SLC25A21: variants seen among roughly 807,000 people sequenced by gnomAD.
The protein encoded by SLC25A21 is solute carrier family 25 member 21, also known as mitochondrial 2-oxodicarboxylate carrier.
In SLC25A21, 47 loss-of-function variants were observed where a neutral mutation model predicts 43.8. The ratio of observed to expected loss-of-function variants is 1.07; its 90% CI spans 0.85 to 1.37. The LOEUF (loss-of-function observed/expected upper bound fraction) is 1.37, where lower values mean the gene tolerates loss of function less well. Ranked by LOEUF, SLC25A21 falls within the 40% of genes most tolerant of loss-of-function variation. The pLI, the probability that SLC25A21 is intolerant of heterozygous loss-of-function variation, is 0.00. For missense variants in SLC25A21, 352 were observed against 350.2 expected (o/e 1.00, Z -0.04); for synonymous variants, 131 against 121.3 (o/e 1.08, Z -0.52).
intron 1 of SLC25A21, among the ~76,000 whole-genome samples, chr14:37,067,136 G>A (rs1962077352): frequency 6.6e-6 from 1 of 152,094 alleles, no homozygotes; most frequent in Admixed American, 6.5e-5. Context: ...TGGGGAAGCA[G>A]GAGGGGCAAA....
intron 1 of SLC25A21, among the ~76,000 whole-genome samples, chr14:36,885,964 C>T (rs1169058384): frequency 6.6e-6 from 1 of 152,162 alleles, no homozygotes; most frequent in Non-Finnish European, 1.5e-5. Context: ...TAACCATTTA[C>T]TTAACTGATT....
intron 1 of SLC25A21, among the ~76,000 whole-genome samples, chr14:37,068,292 G>A (rs1962100593): frequency 6.6e-6 from 1 of 152,184 alleles, no homozygotes; most frequent in Non-Finnish European, 1.5e-5. Flanking sequence ...TTGTGACAGT[G>A]ATTAAAGTGC....
At chr14:37,160,749 G>C (rs1355805467) in intron 1 of SLC25A21, among the ~76,000 whole-genome samples, 1 of 151,908 alleles carries the variant, frequency 6.6e-6, no homozygotes, top group East Asian at 1.9e-4. Flanking sequence ...GGCCAACATG[G>C]TGAAACCCTG....
At chr14:36,709,016 T>G (rs199752231) in intron 7 of SLC25A21, among the ~76,000 whole-genome samples, 2 of 147,686 alleles carry the variant, frequency 1.4e-5, no homozygotes, top group East Asian at 2.3e-4. Context: ...CTTTTTTTTT[T>G]TGTTTTTTTG....
intron 2 of SLC25A21, among the ~76,000 whole-genome samples, chr14:36,862,143 T>G (rs1253957309): frequency 6.6e-6 from 1 of 152,156 alleles, no homozygotes; most frequent in African/African-American, 2.4e-5. Context: ...GAAATAGGAA[T>G]GCTTTTACAT....
intron 1 of SLC25A21, among the ~76,000 whole-genome samples, chr14:37,126,659 C>T (rs1225620476): frequency 6.6e-6 from 1 of 152,018 alleles, no homozygotes; most frequent in African/African-American, 2.4e-5. Flanking sequence ...CCACAAGTTA[C>T]TATGTTCAAT....
chr14:37,063,293 A>T (rs1961989317), intron 1 of SLC25A21, among the ~76,000 whole-genome samples: 1 of 152,106 alleles, frequency 6.6e-6, no homozygotes, highest in East Asian at 1.9e-4. Context: ...TGAGGTCAGG[A>T]GTTCAAGACC....
chr14:36,826,842 G>T (rs1422424301), intron 2 of SLC25A21, among the ~76,000 whole-genome samples: 3 of 152,136 alleles, frequency 2.0e-5, no homozygotes, highest in Non-Finnish European at 4.4e-5. Context: ...ATAGGCCCAG[G>T]TGGTCACTCT....
At chr14:36,920,822 A>G (rs574573221) in intron 1 of SLC25A21, among the ~76,000 whole-genome samples, 110 of 152,238 alleles carry the variant, frequency 7.2e-4, no homozygotes, top group Middle Eastern at 3.4e-3. Context: ...AAAGAGGAGC[A>G]CTAGCAATTT....
intron 1 of SLC25A21, among the ~76,000 whole-genome samples, chr14:37,079,175 C>A (rs527558226): frequency 6.6e-6 from 1 of 152,190 alleles, no homozygotes; most frequent in African/African-American, 2.4e-5. Context: ...TTCACATCCA[C>A]GTACAACTGG....
chr14:37,138,423 A>G (rs1035941702), intron 1 of SLC25A21, among the ~76,000 whole-genome samples: 1 of 152,170 alleles, frequency 6.6e-6, no homozygotes, highest in Non-Finnish European at 1.5e-5. Flanking sequence ...AACTGTTTAA[A>G]ATTTGAGAGA....
intron 2 of SLC25A21, among the ~76,000 whole-genome samples, chr14:36,872,033 A>G (rs1482816093): frequency 2.0e-5 from 3 of 152,194 alleles, no homozygotes; most frequent in Non-Finnish European, 4.4e-5. Context: ...GAAAGATAGG[A>G]TTGTATTCAC....
chr14:37,025,601 A>G (rs1368727418), intron 1 of SLC25A21, among the ~76,000 whole-genome samples: 1 of 152,184 alleles, frequency 6.6e-6, no homozygotes, highest in African/African-American at 2.4e-5. Context: ...ATATAAACAA[A>G]CATATATACT....
intron 3 of SLC25A21, among the ~76,000 whole-genome samples, chr14:36,768,945 A>AAAC (rs1886515418): frequency 1.4e-5 from 2 of 146,224 alleles, no homozygotes; most frequent in African/African-American, 5.2e-5. Flanking sequence ...AAAAAAAAAA[A>AAAC]AACAAAAACC....
intron 3 of SLC25A21, among the ~76,000 whole-genome samples, chr14:36,781,392 C>T (rs1247358383): frequency 7.9e-5 from 12 of 152,034 alleles, no homozygotes; most frequent in Admixed American, 7.9e-4. Context: ...ACTATACTTC[C>T]TTTGTTCCTT....
In SLC25A21 at chr14:36,847,785, G is replaced by C. The variant is rs563991512; in HGVS notation, c.119+27171C>G. 3.9e-5 allele frequency among the ~76,000 whole-genome samples: 6 copies of C among 152,338 alleles called. No individual in the cohort carries two copies. The South Asian group carries it at 1.0e-3, about 26-fold the overall frequency. ...TGGGAAAGACTGGAGTTGTAAGAAG[G>C]GCTGCCTGCAGCCTTGCAAAGGAAG... On this transcript the variant is annotated intron_variant, in intron 2 of 9. Transcript: ENST00000331299.
intron 3 of SLC25A21, among the ~76,000 whole-genome samples, chr14:36,798,924 G>A (rs937043221): frequency 6.6e-6 from 1 of 152,056 alleles, no homozygotes; most frequent in Non-Finnish European, 1.5e-5. Flanking sequence ...GAGACAGAGA[G>A]AGAGAGAAAG....
intron 1 of SLC25A21, among the ~76,000 whole-genome samples, chr14:36,903,340 C>T (rs946541036): frequency 4.6e-5 from 7 of 152,136 alleles, no homozygotes; most frequent in Non-Finnish European, 1.0e-4. Flanking sequence ...GTTCAGTTCA[C>T]ATAGTGTTCT....
intron 7 of SLC25A21, among the ~76,000 whole-genome samples, chr14:36,690,322 T>G (rs1358052627): frequency 6.6e-6 from 1 of 152,178 alleles, no homozygotes; most frequent in Non-Finnish European, 1.5e-5. Flanking sequence ...GTGCAAAAAG[T>G]GTACACAAAA....
Sources: allele counts gnomAD v4.1 joint callset (sites outside exome capture counted in the v4.1 genomes callset), GRCh38; gene constraint gnomAD v4.1.1; transcripts MANE v1.5; gene names NCBI Gene and HGNC (gene_info 2026-07-23, HGNC 2026-07-21).